The following MARCHF10 variants were observed in gnomAD, a reference collection of about 807,000 sequenced individuals.
The protein encoded by MARCHF10 is probable E3 ubiquitin-protein ligase MARCHF10.
MARCHF10 carries 64 observed loss-of-function variants against 76.2 expected under a neutral mutation model. That is an observed-to-expected ratio of 0.84 (90% CI 0.69 to 1.03). The LOEUF is 1.03. MARCHF10 is among the 50% of genes least tolerant of loss of function. MARCHF10 has a pLI of 0.00. For missense variants in MARCHF10, 875 were observed against 958.0 expected, an observed-to-expected ratio of 0.91 and a Z score of 1.14; for synonymous variants, 340 against 357.5, an observed-to-expected ratio of 0.95 and a Z score of 0.55.
rs1336749558 is a variant in MARCHF10, at chr17:62,774,884, C to T, written c.210+13596G>A. On this transcript the variant is annotated intron_variant, in intron 3 of 10. Coordinates refer to ENST00000311269, the MANE Select transcript of MARCHF10 (RefSeq NM_152598.4). ...GCCTGGCCAAGATGGTGAACTCCTGCCTCTACTAAAAATACAAAAATTAGC... is the reference window on the plus strand; with the variant it reads ...GCCTGGCCAAGATGGTGAACTCCTGTCTCTACTAAAAATACAAAAATTAGC... Among the ~76,000 whole-genome samples the T allele has an allele frequency of 3.3e-5, 5 of 151,820 alleles. No individual in the cohort carries two copies. The East Asian group carries it at 9.8e-4, about 30-fold the overall frequency.
At chr17:62,733,912 G>A (rs185336649) in intron 6 of MARCHF10, among the ~76,000 whole-genome samples, 9 of 152,244 alleles carry the variant, frequency 5.9e-5, no homozygotes, top group East Asian at 5.8e-4. Flanking sequence ...TGGCTGGGTC[G>A]GTGGCTCATG....
intron 5 of MARCHF10, among the ~76,000 whole-genome samples, chr17:62,740,656 T>C (rs1285691465): frequency 6.6e-6 from 1 of 152,008 alleles, no homozygotes; most frequent in Non-Finnish European, 1.5e-5. Flanking sequence ...CTTTTTTTCT[T>C]ACTTTTTTTT....
intron 3 of MARCHF10, among the ~76,000 whole-genome samples, chr17:62,788,161 T>C (rs557407086): frequency 4.4e-4 from 67 of 152,302 alleles, no homozygotes; most frequent in African/African-American, 1.5e-3. Flanking sequence ...CCAACTCTTA[T>C]AGAGTTGCAG....
At chr17:62,771,734 G>A (rs2092452140) in intron 3 of MARCHF10, among the ~76,000 whole-genome samples, 3 of 151,598 alleles carry the variant, frequency 2.0e-5, no homozygotes. Context: ...ACACCACCAT[G>A]CCCAGCTAAT....
At chr17:62,741,704 A>AT (rs906012493) in intron 5 of MARCHF10, among the ~76,000 whole-genome samples, 5 of 151,770 alleles carry the variant, frequency 3.3e-5, no homozygotes, top group Middle Eastern at 3.4e-3. Context: ...TTTTATTTTT[A>AT]TTTTTTTTGT....
Position 62,793,428 on chromosome 17 carries a change from TACC to T in MARCHF10, c.91-4832_91-4830del, listed in dbSNP as rs543987050. Among the ~76,000 whole-genome samples, 18 of 40,472 alleles carry T rather than the reference TACC, an allele frequency of 4.4e-4. 1 individual carries two copies. Among genetic ancestry groups the T allele is most frequent in the South Asian group, 2.9e-3 (3 of 1,046 alleles). 26.6% of individuals were successfully genotyped at this position (40,472 alleles called of 152,430 possible). On this transcript the variant is annotated intron_variant, in intron 2 of 10. Coordinates refer to ENST00000311269, the MANE Select transcript of MARCHF10 (RefSeq NM_152598.4). ...TCACCACCACCATCACCTCCATCAC[TACC>T]ACCACAACCATCACCACCATCACCA...
chr17:62,797,087 A>G (rs2092998144), intron 2 of MARCHF10, among the ~76,000 whole-genome samples: 2 of 152,236 alleles, frequency 1.3e-5, no homozygotes, highest in Non-Finnish European at 2.9e-5. Context: ...GCATGAAAAG[A>G]GTGCTGCAGT....
Position 62,737,066 on chromosome 17 carries a change from A to G in MARCHF10, c.802T>C (p.Ser268Pro), listed in dbSNP as rs1329816461. 3 of 1,614,060 alleles carry G rather than the reference A, an allele frequency of 1.9e-6. No individual in the cohort carries two copies. The highest frequency in any genetic ancestry group is 1.7e-6 in the Non-Finnish European group (2 of 1,180,022). The change falls in exon 6 of 11, where the codon TCA becomes CCA. Residue 268 changes from serine to proline, a missense_variant. Ser to Pro is a moderately conservative substitution (Grantham distance 74). Coordinates refer to ENST00000311269, the MANE Select transcript of MARCHF10 (RefSeq NM_152598.4). ...PTTVGGPRKA[S>P]FRFRDEDFYS... ...AAGTCTTCATCTCGGAACCTAAATGATGCCTTTCTTGGCCCTCCTACAGTG... is the reference window on the plus strand; with the variant it reads ...AAGTCTTCATCTCGGAACCTAAATGGTGCCTTTCTTGGCCCTCCTACAGTG...
Position 62,736,144 on chromosome 17 carries a change from G to A in MARCHF10, c.1724C>T (p.Ser575Phe). 1 of 1,614,202 alleles carries A rather than the reference G, an allele frequency of 6.2e-7. No individual in the cohort carries two copies. Among genetic ancestry groups the A allele is most frequent in the Non-Finnish European group, 8.5e-7 (1 of 1,180,032 alleles). Residue 575 changes from serine to phenylalanine, a missense_variant, in exon 6 of 11, where the codon TCT becomes TTT. Ser to Phe is a radical substitution (Grantham distance 155). Transcript: ENST00000311269. The part of the protein sequence containing the change: ...NPQGNLSLVD[S>F]SSSSPSRMNS... Reference sequence around the variant, plus strand: ...CATTCTTGATGGAGAGGAGCTGGAAGAATCCACTAAGGACAAATTGCCCTG... The same window carrying A: ...CATTCTTGATGGAGAGGAGCTGGAAAAATCCACTAAGGACAAATTGCCCTG...
chr17:62,793,222 AC>A (rs2148155788), intron 2 of MARCHF10, among the ~76,000 whole-genome samples: 2 of 103,724 alleles, frequency 1.9e-5, no homozygotes, highest in East Asian at 3.1e-4. Context: ...CACCACCTCC[AC>A]TGCCACCACC....
intron 3 of MARCHF10, among the ~76,000 whole-genome samples, chr17:62,770,534 G>C (rs2092422951): frequency 7.0e-6 from 1 of 143,360 alleles, no homozygotes; most frequent in Admixed American, 7.3e-5. Flanking sequence ...AGCATCTATT[G>C]TATTTTGACT....
intron 1 of MARCHF10, among the ~76,000 whole-genome samples, chr17:62,805,286 C>T (rs1389778620): frequency 6.6e-6 from 1 of 152,162 alleles, no homozygotes; most frequent in East Asian, 1.9e-4. Flanking sequence ...GTTACCTTTG[C>T]ACTCTTTTCA....
chr17:62,785,752 T>C (rs1331050470), intron 3 of MARCHF10, among the ~76,000 whole-genome samples: 5 of 152,204 alleles, frequency 3.3e-5, no homozygotes, highest in African/African-American at 1.2e-4. Context: ...AAGACATCTA[T>C]GCAGCCAACA....
intron 4 of MARCHF10, among the ~76,000 whole-genome samples, chr17:62,756,624 C>T (rs530374871): frequency 7.2e-5 from 11 of 152,288 alleles, no homozygotes; most frequent in East Asian, 3.9e-4. Context: ...GTTGCCACAG[C>T]GGCAGGGACT....
intron 6 of MARCHF10, among the ~76,000 whole-genome samples, chr17:62,732,424 G>A (rs1201890753): frequency 6.6e-6 from 1 of 152,160 alleles, no homozygotes. Flanking sequence ...CCTGAAACTG[G>A]GGCCTGTTGA....
chr17:62,758,567 A>G (rs184152659), intron 4 of MARCHF10, among the ~76,000 whole-genome samples: 1 of 152,330 alleles, frequency 6.6e-6, no homozygotes, highest in Non-Finnish European at 1.5e-5. Context: ...CTGTGATGAT[A>G]CTTTCCCCTG....
chr17:62,752,216 T>C (rs1380300588), intron 4 of MARCHF10, among the ~76,000 whole-genome samples: 2 of 152,082 alleles, frequency 1.3e-5, no homozygotes, highest in Non-Finnish European at 2.9e-5. Context: ...CTCTTTACAG[T>C]TGTTATCTCC....
At chr17:62,732,959 C>A (rs1198086958) in intron 6 of MARCHF10, among the ~76,000 whole-genome samples, 2 of 129,452 alleles carry the variant, frequency 1.5e-5, no homozygotes, top group Non-Finnish European at 3.1e-5. Flanking sequence ...CACCACTGCA[C>A]TTCAGCCTGG....
intron 3 of MARCHF10, among the ~76,000 whole-genome samples, chr17:62,773,190 AAACCGCCC>A (rs2092479856): frequency 6.6e-6 from 1 of 152,298 alleles, no homozygotes; most frequent in African/African-American, 2.4e-5. Context: ...GGAGAATGAG[AAACCGCCC>A]CTGGAGACAA....
Sources: allele counts gnomAD v4.1 joint callset (sites outside exome capture counted in the v4.1 genomes callset), GRCh38; gene constraint gnomAD v4.1.1; transcripts MANE v1.5; gene names NCBI Gene and HGNC (gene_info 2026-07-23, HGNC 2026-07-21).